The following CDK13 variants were observed in gnomAD, a reference collection of about 807,000 sequenced individuals.
The protein encoded by CDK13 is cyclin-dependent kinase 13.
A neutral mutation model predicts 137.6 loss-of-function variants in CDK13; 40 were observed. The ratio of observed to expected loss-of-function variants is 0.29; its 90% confidence interval spans 0.23 to 0.38. CDK13 has a LOEUF of 0.38. CDK13 is among the 10% of genes least tolerant of loss of function. The pLI is 1.00. For synonymous variants in CDK13, 869 were observed against 760.1 expected, an observed-to-expected ratio of 1.14 and a Z score of -2.36; for missense variants, 1,704 against 1,951.8, an observed-to-expected ratio of 0.87 and a Z score of 2.39.
chr7:40,000,271 G>A (rs1784655513), intron 4 of CDK13, among the ~76,000 whole-genome samples: 1 of 152,142 alleles, frequency 6.6e-6, no homozygotes, highest in Admixed American at 6.5e-5. Context: ...AGCTACTCGG[G>A]AGGCTTGAGG....
intron 1 of CDK13, among the ~76,000 whole-genome samples, chr7:39,967,422 ACC>A (rs1783895871): frequency 6.6e-6 from 1 of 151,994 alleles, no homozygotes; most frequent in African/African-American, 2.4e-5. Flanking sequence ...ACAGAGTGAG[ACC>A]CTGTCTCAAA....
At chr7:40,076,646 T>C (rs1474103852) in intron 9 of CDK13, among the ~76,000 whole-genome samples, 1 of 152,182 alleles carries the variant, frequency 6.6e-6, no homozygotes, top group East Asian at 1.9e-4. Context: ...CTTGGGTTTA[T>C]AAAAATGCTA....
intron 1 of CDK13, among the ~76,000 whole-genome samples, chr7:39,960,907 G>C (rs60806836): frequency 1.7e-4 from 26 of 152,038 alleles, no homozygotes; most frequent in Non-Finnish European, 2.4e-4. Context: ...AATTGTATAT[G>C]TTTATGTGTG....
chr7:39,978,965 G>GT (rs1176361232), intron 1 of CDK13, among the ~76,000 whole-genome samples: 3 of 152,006 alleles, frequency 2.0e-5, no homozygotes, highest in Non-Finnish European at 2.9e-5. Context: ...GGTAGTCTTT[G>GT]TTTTTTTCTG....
At chr7:40,022,697 C>T (rs1006269246) in intron 5 of CDK13, among the ~76,000 whole-genome samples, 2 of 150,002 alleles carry the variant, frequency 1.3e-5, no homozygotes, top group Non-Finnish European at 3.0e-5. Flanking sequence ...AGGGTCAAAG[C>T]AGAGTAGAGG....
At chr7:39,973,901 A>C (rs759501373) in intron 1 of CDK13, among the ~76,000 whole-genome samples, 1 of 152,222 alleles carries the variant, frequency 6.6e-6, no homozygotes, top group African/African-American at 2.4e-5. Context: ...CACAAATGTT[A>C]GGATTTATTT....
At chr7:40,078,596 A>G in intron 10 of CDK13, 124 bp from the exon 11 acceptor site, 1 of 434,274 alleles carries the variant, frequency 2.3e-6, no homozygotes, top group Non-Finnish European at 3.7e-6. Context: ...AAAAGTATTT[A>G]CAATTATTTT....
intron 5 of CDK13, among the ~76,000 whole-genome samples, chr7:40,006,621 C>G (rs540574758): frequency 5.9e-5 from 9 of 152,140 alleles, no homozygotes; most frequent in Admixed American, 2.0e-4. Context: ...CCAGACCAGC[C>G]TGGCCAAGAG....
Position 39,950,441 on chromosome 7 carries a change from C to T in CDK13, c.-201C>T, listed in dbSNP as rs1253218643. On this transcript the variant is annotated 5_prime_UTR_variant, in exon 1 of 14. Transcript: ENST00000181839. ...CGCCCGGATTCCTGCTTCCCTGGGG[C>T]CCGGAGGCTGCTGCGTACCCCACTG... 8.1e-7 allele frequency: 1 copy of T among 1,235,354 alleles called. No homozygotes were observed. The highest frequency in any genetic ancestry group is 1.0e-6 in the Non-Finnish European group (1 of 990,060). 76.5% of individuals were successfully genotyped at this position (1,235,354 alleles called of 1,614,324 possible).
intron 1 of CDK13, among the ~76,000 whole-genome samples, chr7:39,983,085 G>A (rs1784263711): frequency 6.6e-6 from 1 of 152,162 alleles, no homozygotes; most frequent in Non-Finnish European, 1.5e-5. Flanking sequence ...TAGACATGAA[G>A]TCCTTGCCCA....
intron 11 of CDK13, among the ~76,000 whole-genome samples, chr7:40,080,514 T>A (rs1408095682): frequency 2.6e-5 from 4 of 152,178 alleles, no homozygotes; most frequent in Admixed American, 2.6e-4. Flanking sequence ...CTGTACATGG[T>A]TGGCCTTTAT....
intron 5 of CDK13, among the ~76,000 whole-genome samples, chr7:40,037,159 T>C (rs1188652009): frequency 1.3e-5 from 2 of 152,218 alleles, no homozygotes; most frequent in East Asian, 3.8e-4. Context: ...GAAGTTTATT[T>C]AGATACAAAT....
At chr7:40,074,538 A>AG (rs1379546540) in intron 9 of CDK13, among the ~76,000 whole-genome samples, 1 of 150,942 alleles carries the variant, frequency 6.6e-6, no homozygotes, top group Non-Finnish European at 1.5e-5. Context: ...AAAAAAAAAA[A>AG]AAGAAAGTAA....
intron 12 of CDK13, among the ~76,000 whole-genome samples, chr7:40,091,074 G>A (rs1462545278): frequency 2.0e-5 from 3 of 152,186 alleles, no homozygotes; most frequent in African/African-American, 7.2e-5. Flanking sequence ...GGCCGGGCAT[G>A]GTGGCTCACG....
chr7:40,046,831 G>A (rs1785752490), intron 6 of CDK13, among the ~76,000 whole-genome samples: 1 of 151,638 alleles, frequency 6.6e-6, no homozygotes, highest in African/African-American at 2.4e-5. Flanking sequence ...GTGAAACCCT[G>A]TCTCTACTAA....
intron 7 of CDK13, among the ~76,000 whole-genome samples, chr7:40,059,485 A>G (rs539863543): frequency 3.3e-5 from 5 of 152,296 alleles, no homozygotes; most frequent in South Asian, 4.1e-4. Context: ...CAGCCTCCCA[A>G]TTAGCTGGGA....
At chr7:40,085,043 T>C (rs1786755475) in intron 11 of CDK13, among the ~76,000 whole-genome samples, 1 of 152,180 alleles carries the variant, frequency 6.6e-6, no homozygotes, top group Non-Finnish European at 1.5e-5. Flanking sequence ...AGATGAGTAT[T>C]AAGATCATCC....
chr7:40,029,536 A>C (rs1414368014), intron 5 of CDK13, among the ~76,000 whole-genome samples: 17 of 151,888 alleles, frequency 1.1e-4, no homozygotes, highest in Admixed American at 1.1e-3. Flanking sequence ...CCTGGCCAAC[A>C]TGGTGAAACC....
At chr7:40,082,486 CAAAAAAAAAAAAAAAAAAA>C (rs70996879) in intron 11 of CDK13, among the ~76,000 whole-genome samples, 3 of 74,882 alleles carry the variant, frequency 4.0e-5, no homozygotes, top group African/African-American at 9.6e-5. Flanking sequence ...ACTCCATTTC[CAAAAAAAAAAAAAAAAAAA>C]AAAAAAAAGA....
Sources: allele counts gnomAD v4.1 joint callset (sites outside exome capture counted in the v4.1 genomes callset), GRCh38; gene constraint gnomAD v4.1.1; transcripts MANE v1.5; gene names NCBI Gene and HGNC (gene_info 2026-07-23, HGNC 2026-07-21).